The following RCBTB2 variants were observed in gnomAD, a reference collection of about 807,000 sequenced individuals.
The protein encoded by RCBTB2 is RCC1 and BTB domain containing protein 2.
In RCBTB2, 55 loss-of-function variants were observed where a neutral mutation model predicts 65.4. That is an observed-to-expected ratio of 0.84 (90% CI 0.68 to 1.05). RCBTB2 has a LOEUF of 1.05. RCBTB2 is among the 50% of genes least tolerant of loss of function. The pLI is 0.00. For synonymous variants in RCBTB2, 220 were observed against 255.2 expected (o/e 0.86, Z 1.31); for missense variants, 599 against 680.1 (o/e 0.88, Z 1.33).
At chr13:48,504,311 CT>C in intron 10 of RCBTB2, 1 of 985,428 alleles carries the variant, frequency 1.0e-6, no homozygotes, top group Non-Finnish European at 1.2e-6. Flanking sequence ...AGATAAAATC[CT>C]GACACAAGAC....
At chr13:48,523,717 G>A (rs758406187) in intron 2 of RCBTB2, among the ~76,000 whole-genome samples, 1 of 152,166 alleles carries the variant, frequency 6.6e-6, no homozygotes, top group Non-Finnish European at 1.5e-5. Context: ...CACTACCCTA[G>A]GCCCCCTTTC....
intron 14 of RCBTB2, among the ~76,000 whole-genome samples, chr13:48,493,263 TTCTC>T (rs1208233211): frequency 3.2e-4 from 30 of 93,076 alleles, no homozygotes; most frequent in East Asian, 6.9e-4. Flanking sequence ...ACACACACTC[TTCTC>T]TCTCTCACCC....
intron 11 of RCBTB2, 130 bp downstream of exon 11, chr13:48,502,594 T>C: frequency 1.1e-6 from 1 of 895,840 alleles, no homozygotes; most frequent in Non-Finnish European, 1.6e-6. Flanking sequence ...TTAGTTCCCT[T>C]TTGTAGAAGC....
intron 10 of RCBTB2, among the ~76,000 whole-genome samples, chr13:48,504,678 G>A (rs1950403537): frequency 6.6e-6 from 1 of 152,230 alleles, no homozygotes; most frequent in Non-Finnish European, 1.5e-5. Flanking sequence ...ATAACGTGGT[G>A]TCTTACTGAA....
intron 14 of RCBTB2, among the ~76,000 whole-genome samples, chr13:48,493,822 T>C (rs1418827667): frequency 6.6e-6 from 1 of 152,200 alleles, no homozygotes; most frequent in Admixed American, 6.5e-5. Flanking sequence ...TATTCATTTA[T>C]TGATCACCTA....
rs1191465128 is a variant in RCBTB2 at position 48,493,311 on chromosome 13, ACACACTCT to A, written c.1515+2872_1515+2879del. 1.0e-2 allele frequency among the ~76,000 whole-genome samples: 574 copies of A among 57,416 alleles called. 13 individuals are homozygous for A. Among genetic ancestry groups the A allele is most frequent in the African/African-American group, 0.034 (546 of 15,946 alleles). 37.7% of individuals were successfully genotyped at this position (57,416 alleles called of 152,430 possible). A position where few individuals can be genotyped will look rare whatever the true frequency, so the allele number is the denominator to read the frequency against. Reference sequence around the variant, plus strand: ...TCTCCACACACACACACACACACACACACACTCTCTCTCTCTCTCTCTCTCTCTCTTCT... The same window carrying A: ...TCTCCACACACACACACACACACACACTCTCTCTCTCTCTCTCTCTCTTCT... On this transcript the variant is annotated intron_variant, in intron 14 of 14. Coordinates refer to ENST00000344532, the MANE Select transcript of RCBTB2 (RefSeq NM_001268.4).
intron 13 of RCBTB2, among the ~76,000 whole-genome samples, chr13:48,497,159 C>T (rs2138426734): frequency 6.6e-6 from 1 of 152,282 alleles, no homozygotes; most frequent in Middle Eastern, 3.4e-3. Flanking sequence ...GACACTTTGT[C>T]ACTTGCTTGC....
rs1426349122 is a variant in RCBTB2, at chr13:48,496,825, GGAGGGGAGAGGAGGA to G, written c.1385-519_1385-505del. Among the ~76,000 whole-genome samples the G allele has an allele frequency of 7.8e-4, 97 of 125,016 alleles. 1 individual carries two copies. Among genetic ancestry groups the G allele is most frequent in the Middle Eastern group, 4.2e-3 (1 of 240 alleles). 82.0% of individuals were successfully genotyped at this position (125,016 alleles called of 152,430 possible). On this transcript the variant is annotated intron_variant, in intron 13 of 14. Coordinates refer to ENST00000344532, the MANE Select transcript of RCBTB2 (RefSeq NM_001268.4). Reference sequence around the variant, plus strand: ...GGAGAGGAGGGGAGGGGAGAGGAGGGGAGGGGAGAGGAGGAGAGGGGAGAGGAGGGGAGGGGAGAC... The same window carrying G: ...GGAGAGGAGGGGAGGGGAGAGGAGGGGAGGGGAGAGGAGGGGAGGGGAGAC...
intron 2 of RCBTB2, among the ~76,000 whole-genome samples, chr13:48,523,848 CTT>C (rs1951559078): frequency 6.6e-6 from 1 of 152,216 alleles, no homozygotes; most frequent in South Asian, 2.1e-4. Context: ...AAATTAAACT[CTT>C]TAAAATTAGA....
chr13:48,511,004 C>T (rs1484101596), intron 9 of RCBTB2, among the ~76,000 whole-genome samples: 1 of 152,178 alleles, frequency 6.6e-6, no homozygotes, highest in African/African-American at 2.4e-5. Context: ...AGCTTTAATA[C>T]TCACAGAAAT....
chr13:48,490,661 T>C lies in RCBTB2; in HGVS notation c.1516-410A>G, dbSNP rs532012417. On this transcript the variant is annotated intron_variant, in intron 14 of 14. Coordinates refer to ENST00000344532, the MANE Select transcript of RCBTB2 (RefSeq NM_001268.4). ...CAGCGTCTTTAAGTATGTCTGCCTATAAAGAGTTGATGGAAGAAAAAGGTA... is the reference window on the plus strand; with the variant it reads ...CAGCGTCTTTAAGTATGTCTGCCTACAAAGAGTTGATGGAAGAAAAAGGTA... Among the ~76,000 whole-genome samples the C allele has an allele frequency of 9.2e-5, 14 of 152,352 alleles. No individual in the cohort carries two copies. In the South Asian group the frequency reaches 2.7e-3, roughly 29 times the overall value.
At position 48,527,344 on chromosome 13, in the gene RCBTB2, ATATATATGATATATATT is replaced by A. The variant is rs1358127947; in HGVS notation, c.-218-2604_-218-2588del. ...TCATATATATATATATATGATATAT[ATATATATGATATATATT>A]TATATATGATATATATATATGATAT... On this transcript the variant is annotated intron_variant, in intron 1 of 14. Transcript: ENST00000344532. Among the ~76,000 whole-genome samples, 47 of 123,480 alleles carry A rather than the reference ATATATATGATATATATT, an allele frequency of 3.8e-4. No homozygotes were observed. In the East Asian group the frequency reaches 5.2e-3, roughly 14 times the overall value. 81.0% of individuals were successfully genotyped at this position (123,480 alleles called of 152,430 possible). A position where few individuals can be genotyped will look rare whatever the true frequency, so the allele number is the denominator to read the frequency against.
intron 14 of RCBTB2, chr13:48,492,324 G>C (rs935904685): frequency 6.6e-6 from 1 of 152,228 alleles, no homozygotes; most frequent in Non-Finnish European, 1.5e-5. Flanking sequence ...ACCTACTAAG[G>C]GGCCCTGCTC....
intron 10 of RCBTB2, among the ~76,000 whole-genome samples, chr13:48,504,896 G>A (rs954801426): frequency 3.9e-5 from 6 of 152,088 alleles, no homozygotes; most frequent in Non-Finnish European, 8.8e-5. Context: ...GAGACATGCT[G>A]TTCTCATGTG....
intron 10 of RCBTB2, among the ~76,000 whole-genome samples, chr13:48,505,454 G>A (rs1279408933): frequency 2.6e-5 from 4 of 152,216 alleles, no homozygotes; most frequent in African/African-American, 7.2e-5. Flanking sequence ...ATCCAGTGCT[G>A]TGCAAAAGAA....
chr13:48,517,633 G>A (rs1951165346), intron 4 of RCBTB2, among the ~76,000 whole-genome samples: 1 of 152,184 alleles, frequency 6.6e-6, no homozygotes, highest in African/African-American at 2.4e-5. Flanking sequence ...AAAACAAGCA[G>A]AGCCACCAGC....
chr13:48,521,844 G>GT, intron 4 of RCBTB2, 54 bp downstream of exon 4: 1 of 1,522,500 alleles, frequency 6.6e-7, no homozygotes, highest in Non-Finnish European at 9.1e-7. Context: ...GCTTCATGAA[G>GT]TATGTTTCAT....
chr13:48,529,434 G>A (rs1297917445), intron 1 of RCBTB2, among the ~76,000 whole-genome samples: 1 of 152,082 alleles, frequency 6.6e-6, no homozygotes, highest in Admixed American at 6.5e-5. Flanking sequence ...ATATTATAAT[G>A]CAGTCAAAAT....
chr13:48,511,681 C>T, intron 9 of RCBTB2, 89 bp downstream of exon 9: 1 of 1,144,308 alleles, frequency 8.7e-7, no homozygotes, highest in Non-Finnish European at 1.2e-6. Flanking sequence ...AACTTTTCAT[C>T]CTGCCAACAA....
Sources: allele counts gnomAD v4.1 joint callset (sites outside exome capture counted in the v4.1 genomes callset), GRCh38; gene constraint gnomAD v4.1.1; transcripts MANE v1.5; gene names NCBI Gene and HGNC (gene_info 2026-07-23, HGNC 2026-07-21).